The following UAP1L1 variants were observed in gnomAD, a reference collection of about 807,000 sequenced individuals.
UAP1L1 encodes the protein UDP-N-acetylglucosamine pyrophosphorylase 1 like 1.
UAP1L1 carries 45 observed loss-of-function variants against 45.3 expected under a neutral mutation model. The observed-to-expected ratio is 0.99, with a 90% CI of 0.78 to 1.27. The LOEUF is 1.27. UAP1L1 is among the 50% of genes most tolerant of loss of function. The probability of loss-of-function intolerance (pLI) is 0.00; values close to 1 mark genes in which losing one functional copy is unlikely to be tolerated. For synonymous variants in UAP1L1, 323 were observed against 303.9 expected, an observed-to-expected ratio of 1.06 and a Z score of -0.65; for missense variants, 667 against 694.0, an observed-to-expected ratio of 0.96 and a Z score of 0.44.
In UAP1L1 at chr9:137,084,473, C is replaced by T. The variant is rs937817691; in HGVS notation, c.*1744C>T. 4 of 152,214 alleles carry T rather than the reference C, an allele frequency of 2.6e-5. No homozygotes were observed. The highest frequency in any genetic ancestry group is 9.7e-5 in the African/African-American group (4 of 41,428). 9.4% of individuals were successfully genotyped at this position (152,214 alleles called of 1,614,324 possible). ...ATAGGTGTGAGCCACCGCGCCGGGC[C>T]GGTTGCTGGCATCTTAATGTTCTGT... On this transcript the variant is annotated 3_prime_UTR_variant, in exon 9 of 9. Transcript: ENST00000409858.
In UAP1L1 at chr9:137,079,361, C is replaced by T; in HGVS notation, c.949C>T (p.Leu317=). The T allele has an allele frequency of 6.2e-7, 1 of 1,613,034 alleles. No individual in the cohort carries two copies. Among genetic ancestry groups the T allele is most frequent in the South Asian group, 1.1e-5 (1 of 91,070 alleles). The part of the protein sequence containing the change: ...YSEISPETAQ[L]RASDGSLLYN... Reference sequence around the variant, plus strand: ...CGAGATCAGTCCTGAGACCGCACAGCTACGTGCCTCCGACGGGAGCCTGCT... The same window carrying T: ...CGAGATCAGTCCTGAGACCGCACAGTTACGTGCCTCCGACGGGAGCCTGCT... Residue 317 remains leucine, a synonymous_variant, in exon 5 of 9, where the codon CTA becomes TTA. Transcript: ENST00000409858.
intron 6 of UAP1L1, 93 bp from the exon 7 acceptor site, chr9:137,080,596 T>C: frequency 1.5e-6 from 2 of 1,309,894 alleles, no homozygotes; most frequent in Non-Finnish European, 2.1e-6. Context: ...GGACCAGACC[T>C]TCACTCTGTC....
chr9:137,080,276 C>T lies in UAP1L1; in HGVS notation c.1178+134C>T, dbSNP rs143300728. 496 of 1,164,526 alleles carry T rather than the reference C, an allele frequency of 4.3e-4. 1 individual carries two copies. The African/African-American group carries it at 6.5e-3, about 15-fold the overall frequency. 72.1% of individuals were successfully genotyped at this position (1,164,526 alleles called of 1,614,324 possible). On this transcript the variant is annotated intron_variant, in intron 6 of 8. Transcript: ENST00000409858. Reference sequence around the variant, plus strand: ...CCGCGGGCAAGTCTCAGGGAGAAGACCAGAGGGTGCTCTTGGCCCTGAGGG... The same window carrying T: ...CCGCGGGCAAGTCTCAGGGAGAAGATCAGAGGGTGCTCTTGGCCCTGAGGG...
intron 5 of UAP1L1, 98 bp downstream of exon 5, chr9:137,079,547 CGGCTGTGGTCAGGAGT>C: frequency 8.0e-7 from 1 of 1,248,692 alleles, no homozygotes; most frequent in Non-Finnish European, 1.1e-6. Flanking sequence ...TGGGCCACAG[CGGCTGTGGTCAGGAGT>C]GGCTGTGGTC....
chr9:137,081,824 G>A (rs532620640), intron 7 of UAP1L1, among the ~76,000 whole-genome samples, 174 bp from the exon 8 acceptor site: 5 of 152,320 alleles, frequency 3.3e-5, no homozygotes, highest in African/African-American at 9.6e-5. Flanking sequence ...CCTGTCACTT[G>A]GCAGTGGGAT....
intron 4 of UAP1L1, 26 bp downstream of exon 4, chr9:137,079,174 C>G (rs745875444): frequency 6.3e-7 from 1 of 1,597,866 alleles, no homozygotes; most frequent in East Asian, 2.2e-5. Context: ...CGCGGCGCCC[C>G]GCACCCGAGG....
intron 1 of UAP1L1, 25 bp from the exon 2 acceptor site, chr9:137,078,025 C>T (rs1018784930): frequency 5.2e-5 from 80 of 1,544,924 alleles, no homozygotes; most frequent in Non-Finnish European, 5.8e-5. Flanking sequence ...TCCCGGGCGT[C>T]CCTTCACGGC....
At chr9:137,079,199 C>T (rs750200628) in intron 4 of UAP1L1, 51 bp downstream of exon 4, 67 of 1,588,782 alleles carry the variant, frequency 4.2e-5, no homozygotes, top group Non-Finnish European at 5.4e-5. Flanking sequence ...CCCCGCCCCT[C>T]ACGGAGCCCC....
At chr9:137,080,311 C>T (rs943285955) in intron 6 of UAP1L1, 169 bp downstream of exon 6, 2 of 829,914 alleles carry the variant, frequency 2.4e-6, no homozygotes, top group Non-Finnish European at 3.8e-6. Flanking sequence ...GTAAGCAGCC[C>T]CTGAGGTGGG....
intron 7 of UAP1L1, 76 bp from the exon 8 acceptor site, chr9:137,081,922 T>C: frequency 7.2e-7 from 1 of 1,380,744 alleles, no homozygotes; most frequent in Non-Finnish European, 1.0e-6. Flanking sequence ...CTCAGTCTCC[T>C]ATCGGGACTG....
At position 137,079,117 on chromosome 9, in the gene UAP1L1, G is replaced by A. The variant is rs376777289; in HGVS notation, c.812G>A (p.Cys271Tyr). ...RLADPVFIGF[C>Y]VLQGADCGAK... ...GCGGACCCTGTCTTCATCGGCTTCT[G>A]TGTGTTGCAGGGCGCAGACTGTGGC... The change falls in exon 4 of 9, where the codon TGT (cysteine) becomes TAT (tyrosine). Residue 271 changes from cysteine to tyrosine, a missense_variant. Transcript: ENST00000409858. 6.8e-6 allele frequency: 11 copies of A among 1,611,634 alleles called. No individual in the cohort carries two copies. Among genetic ancestry groups the A allele is most frequent in the Non-Finnish European group, 9.3e-6 (11 of 1,179,646 alleles).
chr9:137,079,635 G>A, intron 5 of UAP1L1, 186 bp downstream of exon 5: 1 of 619,246 alleles, frequency 1.6e-6, no homozygotes, highest in South Asian at 2.0e-5. Context: ...AGAGGTGCTG[G>A]AGATCAGGCA....
In UAP1L1 at chr9:137,079,106, C is replaced by G. The variant is rs754357261; in HGVS notation, c.801C>G (p.Phe267Leu). The G allele has an allele frequency of 1.2e-6, 2 of 1,611,820 alleles. No individual in the cohort carries two copies. The highest frequency in any genetic ancestry group is 2.7e-5 in the African/African-American group (2 of 74,886). ...NILVRLADPV[F>L]IGFCVLQGAD... ...TGGTGCGGCTGGCGGACCCTGTCTT[C>G]ATCGGCTTCTGTGTGTTGCAGGGCG... The change falls in exon 4 of 9, where the codon TTC becomes TTG. Residue 267 changes from phenylalanine (F) to leucine (L), a missense_variant. Phe to Leu is a conservative substitution (Grantham distance 22). Coordinates refer to ENST00000409858, the MANE Select transcript of UAP1L1 (RefSeq NM_207309.3).
intron 5 of UAP1L1, 52 bp downstream of exon 5, chr9:137,079,501 C>A: frequency 1.3e-6 from 2 of 1,528,874 alleles, no homozygotes; most frequent in Non-Finnish European, 1.8e-6. Context: ...CCTGCGTTGA[C>A]CAGGGACCCG....
intron 4 of UAP1L1, 51 bp from the exon 5 acceptor site, chr9:137,079,205 G>T: frequency 6.3e-7 from 1 of 1,592,178 alleles, no homozygotes; most frequent in Non-Finnish European, 8.5e-7. Context: ...CCCTCACGGA[G>T]CCCCGCCCCT....
At chr9:137,079,927 G>T (rs1473958826) in intron 5 of UAP1L1, 75 bp from the exon 6 acceptor site, 1 of 1,570,052 alleles carries the variant, frequency 6.4e-7, no homozygotes, top group Non-Finnish European at 8.7e-7. Context: ...GGTGTGCTCA[G>T]AAGTGGGGAC....
In UAP1L1 at chr9:137,082,883, T is replaced by G; in HGVS notation, c.*154T>G. 2 of 622,140 alleles carry G rather than the reference T, an allele frequency of 3.2e-6. No homozygotes were observed. Among genetic ancestry groups the G allele is most frequent in the Non-Finnish European group, 5.7e-6 (2 of 349,758 alleles). 38.5% of individuals were successfully genotyped at this position (622,140 alleles called of 1,614,324 possible). ...GTGGGAAAGCAGCCTGCCCCATGCTTCCAGCCTGCAGAACACAGAATGAAA... is the reference window on the plus strand; with the variant it reads ...GTGGGAAAGCAGCCTGCCCCATGCTGCCAGCCTGCAGAACACAGAATGAAA... On this transcript the variant is annotated 3_prime_UTR_variant, in exon 9 of 9. Transcript: ENST00000409858. This position sits in a 1 kb window ranked among gnomAD's most constrained non-coding sequence, Gnocchi z 5.7.
Position 137,078,076 on chromosome 9 carries a change from G to T in UAP1L1, c.316G>T (p.Val106Leu), listed in dbSNP as rs780848849. Reference sequence around the variant, plus strand: ...TTTCCGTCAGATTTCTCTGAACAAGGTGGCCGTCCTGCTGCTGGCTGGGGG... The same window carrying T: ...TTTCCGTCAGATTTCTCTGAACAAGTTGGCCGTCCTGCTGCTGGCTGGGGG... ...EGFRQISLNK[V>L]AVLLLAGGQG... Residue 106 changes from valine (V) to leucine (L), a missense_variant, in exon 2 of 9, where the codon GTG (valine) becomes TTG (leucine). Physicochemically the swap from Val to Leu is conservative, Grantham distance 32. Transcript: ENST00000409858. 6.5e-7 allele frequency: 1 copy of T among 1,549,978 alleles called. No individual in the cohort carries two copies. The highest frequency in any genetic ancestry group is 1.2e-5 in the South Asian group (1 of 84,066).
chr9:137,078,747 C>T, intron 3 of UAP1L1, 70 bp downstream of exon 3: 1 of 1,507,370 alleles, frequency 6.6e-7, no homozygotes, highest in Non-Finnish European at 8.9e-7. Flanking sequence ...GGGGTCCACG[C>T]GCCCGGGTTC....
Sources: gnomAD v4.1 joint callset for allele counts (sites outside exome capture counted in the v4.1 genomes callset) on GRCh38, gnomAD v4.1.1 for gene constraint, Gnocchi (gnomAD v3.1) non-coding constraint, MANE v1.5 for transcripts, NCBI Gene and HGNC (gene_info 2026-07-23, HGNC 2026-07-21) for gene names.